Variants in TPTE2 observed in about 807,000 individuals in gnomAD.
TPTE2 encodes phosphatidylinositol 3,4,5-trisphosphate 3-phosphatase TPTE2.
Under a neutral mutation model 78.6 loss-of-function variants are expected in TPTE2, and 53 were observed. That is an observed-to-expected ratio of 0.67 (90% CI 0.54 to 0.85). TPTE2 has a LOEUF of 0.85. TPTE2 is among the 40% of genes least tolerant of loss of function. The probability of loss-of-function intolerance (pLI) is 0.00; values close to 1 mark genes in which losing one functional copy is unlikely to be tolerated. For synonymous variants in TPTE2, 175 were observed against 206.2 expected, an observed-to-expected ratio of 0.85 and a Z score of 1.30; for missense variants, 461 against 623.0, an observed-to-expected ratio of 0.74 and a Z score of 2.77.
intron 4 of TPTE2, among the ~76,000 whole-genome samples, chr13:19,479,501 T>A (rs1880193926): frequency 6.6e-6 from 1 of 151,876 alleles, no homozygotes; most frequent in Non-Finnish European, 1.5e-5. Flanking sequence ...AAAGAAAATA[T>A]CAAAGTATTT....
intron 17 of TPTE2, among the ~76,000 whole-genome samples, chr13:19,429,666 T>C (rs1419939736): frequency 3.3e-5 from 5 of 151,388 alleles, no homozygotes; most frequent in African/African-American, 4.9e-5. Flanking sequence ...TGCCCTCAGT[T>C]GGGAGAGGCC....
chr13:19,483,137 G>T (rs1344757002), intron 3 of TPTE2, among the ~76,000 whole-genome samples: 1 of 152,212 alleles, frequency 6.6e-6, no homozygotes, highest in Non-Finnish European at 1.5e-5. Flanking sequence ...GGAGGGCGTT[G>T]CCTCCATGTT....
intron 1 of TPTE2, among the ~76,000 whole-genome samples, chr13:19,497,636 A>G (rs979972727): frequency 0.013 from 1,672 of 132,706 alleles, 56 homozygotes; most frequent in African/African-American, 0.04. Context: ...CATCCACACC[A>G]AAAACCCATC....
intron 1 of TPTE2, among the ~76,000 whole-genome samples, chr13:19,502,564 C>T (rs1334316405): frequency 6.7e-6 from 1 of 148,150 alleles, no homozygotes; most frequent in African/African-American, 2.5e-5. Flanking sequence ...AACCAAACAC[C>T]ACATATTCTC....
At chr13:19,427,064 T>TTTTTTC (rs1876164393) in intron 17 of TPTE2, among the ~76,000 whole-genome samples, 5 of 146,744 alleles carry the variant, frequency 3.4e-5, no homozygotes, top group South Asian at 2.2e-4. Context: ...CTTTTCTTTT[T>TTTTTTC]TTTTCTTTTC....
chr13:19,423,293 T>G lies in TPTE2; in HGVS notation c.1467-129A>C, dbSNP rs557737315. 55 of 610,272 alleles carry G rather than the reference T, an allele frequency of 9.0e-5. No homozygotes were observed. In the South Asian group the frequency reaches 1.5e-3, roughly 16 times the overall value. 37.8% of individuals were successfully genotyped at this position (610,272 alleles called of 1,614,324 possible). The stretch of plus-strand genomic sequence containing the variant: ...CATGAATAGAACCCCAGACCCTTTT[T>G]TGCATTTCAGTTGGCTCCTTCCACC... On this transcript the variant is annotated intron_variant, in intron 19 of 19. Transcript: ENST00000400230.
In TPTE2 at chr13:19,493,493, G is replaced by A. The variant is rs752903440; in HGVS notation, c.20C>T (p.Thr7Ile). ...CTCGGTTGTTCCTTTAAATTCGTTTGTCTGTGGACTAGCGGATGATAAGAG... is the reference window on the plus strand; with the variant it reads ...CTCGGTTGTTCCTTTAAATTCGTTTATCTGTGGACTAGCGGATGATAAGAG... Residue 7 changes from threonine to isoleucine, a missense_variant, in exon 2 of 20, where the codon ACA becomes ATA. Transcript: ENST00000400230. 3.2e-5 allele frequency: 51 copies of A among 1,612,430 alleles called. No homozygotes were observed. Among genetic ancestry groups the A allele is most frequent in the Non-Finnish European group, 4.3e-5 (51 of 1,178,772 alleles).
At chr13:19,524,399 T>C (rs1303359435) in intron 1 of TPTE2, among the ~76,000 whole-genome samples, 1 of 152,198 alleles carries the variant, frequency 6.6e-6, no homozygotes, top group African/African-American at 2.4e-5. Context: ...CAAACTAGAA[T>C]GGTTCCTGAT....
At position 19,535,487 on chromosome 13, in the gene TPTE2, C is replaced by T. The variant is rs140685357; in HGVS notation, c.-44+1109G>A. ...TCCCCTAAGAGGGTAAATGCACCTGCCTTTTCTAAAAACAAAGCAAAACCA... is the reference window on the plus strand; with the variant it reads ...TCCCCTAAGAGGGTAAATGCACCTGTCTTTTCTAAAAACAAAGCAAAACCA... On this transcript the variant is annotated intron_variant, in intron 1 of 17. Coordinates refer to the TPTE2 transcript ENST00000390680. The surrounding 1 kb of genome is among the most constrained non-coding windows in gnomAD (Gnocchi z 5.1). Among the ~76,000 whole-genome samples, 386 of 151,778 alleles carry T rather than the reference C, an allele frequency of 2.5e-3. 1 individual carries two copies. The highest frequency in any genetic ancestry group is 9.0e-3 in the African/African-American group (371 of 41,432).
At chr13:19,508,773 A>G (rs1179562361) in intron 1 of TPTE2, among the ~76,000 whole-genome samples, 2 of 152,172 alleles carry the variant, frequency 1.3e-5, no homozygotes, top group Non-Finnish European at 2.9e-5. Flanking sequence ...ATGATGATAA[A>G]TTTCCCAGAA....
At chr13:19,472,122 CTG>C (rs1302759053) in intron 6 of TPTE2, among the ~76,000 whole-genome samples, 1 of 152,096 alleles carries the variant, frequency 6.6e-6, no homozygotes, top group Non-Finnish European at 1.5e-5. Flanking sequence ...ATCTTTGGGA[CTG>C]TGATTATTAA....
At chr13:19,432,972 A>G (rs552237325) in intron 15 of TPTE2, among the ~76,000 whole-genome samples, 2 of 152,328 alleles carry the variant, frequency 1.3e-5, no homozygotes, top group Admixed American at 1.3e-4. Flanking sequence ...AGAGAATGGT[A>G]TAAGTGAAAA....
chr13:19,436,604 G>A (rs1877108878), intron 14 of TPTE2, among the ~76,000 whole-genome samples: 2 of 151,960 alleles, frequency 1.3e-5, no homozygotes, highest in African/African-American at 4.8e-5. Context: ...AGTAGAGATA[G>A]GGGTTTCACC....
intron 3 of TPTE2, among the ~76,000 whole-genome samples, chr13:19,491,760 G>A (rs1307514441): frequency 6.6e-6 from 1 of 152,074 alleles, no homozygotes; most frequent in Non-Finnish European, 1.5e-5. Flanking sequence ...GGGAGATGGA[G>A]GTTACAGGGA....
intron 4 of TPTE2, among the ~76,000 whole-genome samples, chr13:19,476,762 G>A (rs992014997): frequency 6.6e-6 from 1 of 152,152 alleles, no homozygotes; most frequent in African/African-American, 2.4e-5. Flanking sequence ...ATACATTGTT[G>A]GTGGGAGTGT....
At chr13:19,456,462 C>G (rs1298821269) in intron 10 of TPTE2, among the ~76,000 whole-genome samples, 2 of 152,102 alleles carry the variant, frequency 1.3e-5, no homozygotes, top group South Asian at 4.1e-4. Flanking sequence ...TGTCTTAAGA[C>G]AAACAAATAA....
chr13:19,526,071 C>T (rs910751271), intron 1 of TPTE2, among the ~76,000 whole-genome samples: 1 of 152,138 alleles, frequency 6.6e-6, no homozygotes, highest in African/African-American at 2.4e-5. Flanking sequence ...AAAGGGAATG[C>T]TTATACACTA....
At chr13:19,439,165 T>G (rs1230693965) in intron 13 of TPTE2, among the ~76,000 whole-genome samples, 1 of 152,120 alleles carries the variant, frequency 6.6e-6, no homozygotes, top group Non-Finnish European at 1.5e-5. Flanking sequence ...CAGATTAATG[T>G]GTACTCAGGA....
the TPTE2 span, among the ~76,000 whole-genome samples, chr13:19,544,531 A>G: frequency 1.1e-4 from 16 of 152,332 alleles, no homozygotes; most frequent in African/African-American, 3.8e-4. Flanking sequence ...GAAAAAGGCT[A>G]TGGAGCTATG....
Sources: gnomAD v4.1 joint callset for allele counts (sites outside exome capture counted in the v4.1 genomes callset) on GRCh38, gnomAD v4.1.1 for gene constraint, Gnocchi (gnomAD v3.1) non-coding constraint, MANE v1.5 for transcripts, NCBI Gene and HGNC (gene_info 2026-07-23, HGNC 2026-07-21) for gene names.